Variants in SFSWAP observed in about 807,000 individuals in gnomAD.
The protein encoded by SFSWAP is splicing factor, suppressor of white-apricot homolog.
In SFSWAP, 17 loss-of-function variants were observed where a neutral mutation model predicts 100.7. That is an observed-to-expected ratio of 0.17 (90% CI 0.12 to 0.25). SFSWAP has a LOEUF of 0.25. Ranked by LOEUF, SFSWAP falls within the 10% of genes least tolerant of loss-of-function variation. The pLI, the probability that SFSWAP is intolerant of heterozygous loss-of-function variation, is 1.00. For synonymous variants in SFSWAP, 504 were observed against 510.1 expected, an observed-to-expected ratio of 0.99 and a Z score of 0.16; for missense variants, 1,005 against 1,262.6, an observed-to-expected ratio of 0.80 and a Z score of 3.09.
chr12:131,759,063 C>T (rs944301472), intron 11 of SFSWAP, among the ~76,000 whole-genome samples: 3 of 152,090 alleles, frequency 2.0e-5, no homozygotes, highest in East Asian at 1.9e-4. Flanking sequence ...TTCCAGCCTG[C>T]GTGACAGAGG....
chr12:131,765,675 T>G (rs551552651), intron 12 of SFSWAP, among the ~76,000 whole-genome samples: 5 of 152,222 alleles, frequency 3.3e-5, no homozygotes, highest in East Asian at 3.9e-4. Context: ...AAGCCATTTT[T>G]CAACCACAAT....
rs768935198 is a variant in SFSWAP at position 131,753,258 on chromosome 12, C to G, written c.1217C>G (p.Pro406Arg). The part of the protein sequence containing the change: ...LPAGVTVSNS[P>R]GVTTTAPPPP... ...GCTGGCGTGACCGTGTCTAACTCCC[C>G]TGGAGTGACGACCACCGCCCCACCA... is the stretch of plus-strand genomic sequence containing the variant. The change falls in exon 8 of 18, where the codon CCT becomes CGT. Residue 406 changes from proline to arginine, a missense_variant. By Grantham distance (103) the Pro-to-Arg change is moderately radical (BLOSUM62 -2). Coordinates refer to ENST00000261674, the MANE Select transcript of SFSWAP (RefSeq NM_004592.4). 1.9e-6 allele frequency: 3 copies of G among 1,613,982 alleles called. No homozygotes were observed. The highest frequency in any genetic ancestry group is 2.2e-5 in the East Asian group (1 of 44,888).
intron 16 of SFSWAP, among the ~76,000 whole-genome samples, chr12:131,798,747 G>A (rs942441933): frequency 2.0e-5 from 3 of 151,980 alleles, no homozygotes; most frequent in East Asian, 1.9e-4. Context: ...AAAATTAGCC[G>A]GGCATGGTGG....
chr12:131,763,751 C>G (rs1882865517), intron 11 of SFSWAP, among the ~76,000 whole-genome samples: 1 of 151,382 alleles, frequency 6.6e-6, no homozygotes, highest in Non-Finnish European at 1.5e-5. Flanking sequence ...TTAAAGAGAC[C>G]TGTTTATAGT....
In SFSWAP at chr12:131,799,056, G is replaced by C. The variant is rs944444737; in HGVS notation, c.2737G>C (p.Glu913Gln). The C allele has an allele frequency of 1.2e-6, 2 of 1,613,880 alleles. No homozygotes were observed. Among genetic ancestry groups the C allele is most frequent in the African/African-American group, 2.7e-5 (2 of 74,914 alleles). Residue 913 changes from glutamate to glutamine, a missense_variant, in exon 17 of 18, where the codon GAA becomes CAA. Glu to Gln is a conservative substitution (Grantham distance 29, BLOSUM62 2). Around this residue, in one of 7 missense-constraint regions of SFSWAP, gnomAD observed 295 missense variants for 347.9 expected, o/e 0.85. Transcript: ENST00000261674. ...CATTAGGGGAGTCTCTCAGGAAAAA[G>C]AAGCCCAGATCTCTTCAGCAATCGT... The part of the protein sequence containing the change: ...ERSRGVSQEK[E>Q]AQISSAIVSS...
chr12:131,777,032 T>C (rs1250706998), intron 13 of SFSWAP, among the ~76,000 whole-genome samples: 2 of 152,228 alleles, frequency 1.3e-5, no homozygotes, highest in Non-Finnish European at 2.9e-5. Context: ...AGACCTTCTT[T>C]AAAAATTATT....
intron 14 of SFSWAP, chr12:131,785,028 A>G (rs954770087): frequency 6.7e-7 from 1 of 1,496,172 alleles, no homozygotes; most frequent in Non-Finnish European, 8.9e-7. Flanking sequence ...CGCCCAGCCC[A>G]GCACCTTTTA....
chr12:131,740,550 A>T (rs1224342594), intron 7 of SFSWAP, among the ~76,000 whole-genome samples: 1 of 152,046 alleles, frequency 6.6e-6, no homozygotes, highest in East Asian at 1.9e-4. Context: ...TTCCTGTCCC[A>T]CGCATTGGTG....
intron 13 of SFSWAP, among the ~76,000 whole-genome samples, chr12:131,767,143 C>T (rs35957345): frequency 0.027 from 2,387 of 87,150 alleles, 31 homozygotes; most frequent in Non-Finnish European, 0.042. Context: ...TGCTCCCATG[C>T]GTGTCCGAGA....
At chr12:131,789,473 G>C (rs1326617163) in intron 15 of SFSWAP, among the ~76,000 whole-genome samples, 1 of 152,144 alleles carries the variant, frequency 6.6e-6, no homozygotes, top group Admixed American at 6.5e-5. Flanking sequence ...AGTGTGGGCT[G>C]TGATCGTGCC....
chr12:131,722,129 CAA>C (rs1430458780), intron 4 of SFSWAP, among the ~76,000 whole-genome samples: 3 of 152,316 alleles, frequency 2.0e-5, no homozygotes, highest in South Asian at 4.1e-4. Flanking sequence ...GACTCACTGA[CAA>C]GAGAAGATTG....
intron 7 of SFSWAP, among the ~76,000 whole-genome samples, chr12:131,737,602 C>T (rs1880157499): frequency 6.6e-6 from 1 of 152,118 alleles, no homozygotes; most frequent in Non-Finnish European, 1.5e-5. Context: ...CCCGTAGAGA[C>T]TTGCATACCC....
chr12:131,775,769 C>T (rs945435739), intron 13 of SFSWAP, among the ~76,000 whole-genome samples: 3 of 152,020 alleles, frequency 2.0e-5, no homozygotes, highest in Non-Finnish European at 2.9e-5. Flanking sequence ...TGTCATTGGA[C>T]GTTTGTGTGT....
intron 17 of SFSWAP, 148 bp from the exon 18 acceptor site, chr12:131,799,275 C>A (rs1885901692): frequency 9.8e-7 from 1 of 1,022,686 alleles, no homozygotes; most frequent in Admixed American, 2.0e-5. Flanking sequence ...GCCGTGTGGC[C>A]CGCACCCTGC....
At chr12:131,797,401 A>T in intron 16 of SFSWAP, 41 bp downstream of exon 16, 1 of 1,547,830 alleles carries the variant, frequency 6.5e-7, no homozygotes, top group Non-Finnish European at 8.8e-7. Flanking sequence ...GGGAAAGGCA[A>T]GGGGCGGCCA....
chr12:131,770,822 C>T (rs1242772675), intron 13 of SFSWAP, among the ~76,000 whole-genome samples: 1 of 152,194 alleles, frequency 6.6e-6, no homozygotes, highest in Non-Finnish European at 1.5e-5. Flanking sequence ...AACCAAAACT[C>T]TGTAGCCATT....
At position 131,728,942 on chromosome 12, in the gene SFSWAP, G is replaced by A. The variant is rs11246778; in HGVS notation, c.1081+514G>A. 4.2e-3 allele frequency among the ~76,000 whole-genome samples: 636 copies of A among 152,120 alleles called. 1 individual carries two copies. Among genetic ancestry groups the A allele is most frequent in the Non-Finnish European group, 7.0e-3 (479 of 68,006 alleles). Reference sequence around the variant, plus strand: ...GCTCCTGGGCTTAAGCAGTCCTCCCGCCTTGGCCTTCAAAAGTGCTAGGAT... The same window carrying A: ...GCTCCTGGGCTTAAGCAGTCCTCCCACCTTGGCCTTCAAAAGTGCTAGGAT... On this transcript the variant is annotated intron_variant, in intron 7 of 17. Transcript: ENST00000261674.
At chr12:131,769,929 A>C (rs1487700366) in intron 13 of SFSWAP, among the ~76,000 whole-genome samples, 3 of 152,238 alleles carry the variant, frequency 2.0e-5, no homozygotes, top group Non-Finnish European at 4.4e-5. Context: ...TAGAACATAG[A>C]AATGAGCGTT....
intron 7 of SFSWAP, among the ~76,000 whole-genome samples, chr12:131,732,181 A>G (rs1265551496): frequency 6.6e-6 from 1 of 152,144 alleles, no homozygotes; most frequent in Non-Finnish European, 1.5e-5. Flanking sequence ...AAGTGCTGGG[A>G]TTACAGGCTG....
Sources: gnomAD v4.1 joint callset for allele counts (sites outside exome capture counted in the v4.1 genomes callset) on GRCh38, gnomAD v4.1.1 for gene constraint, gnomAD v4.1.1 regional missense constraint, MANE v1.5 for transcripts, NCBI Gene and HGNC (gene_info 2026-07-23, HGNC 2026-07-21) for gene names.